The following FSTL5 variants were observed in gnomAD, a reference collection of about 807,000 sequenced individuals.
The protein encoded by FSTL5 is follistatin like 5.
Under a neutral mutation model 89.1 loss-of-function variants are expected in FSTL5, and 62 were observed. The ratio of observed to expected loss-of-function variants is 0.70; its 90% confidence interval spans 0.57 to 0.86. FSTL5 has a LOEUF of 0.86. FSTL5 is among the 40% of genes least tolerant of loss of function. The pLI is 0.00. For synonymous variants in FSTL5, 383 were observed against 346.2 expected, an observed-to-expected ratio of 1.11 and a Z score of -1.18; for missense variants, 1,057 against 1,001.6, an observed-to-expected ratio of 1.06 and a Z score of -0.75.
At chr4:161,588,497 A>T (rs1733696576) in intron 7 of FSTL5, among the ~76,000 whole-genome samples, 1 of 152,160 alleles carries the variant, frequency 6.6e-6, no homozygotes, top group Admixed American at 6.5e-5. Context: ...GAAAAAAAAG[A>T]AAGGAAGAAA....
intron 6 of FSTL5, among the ~76,000 whole-genome samples, chr4:161,677,452 G>A (rs903429322): frequency 5.3e-5 from 8 of 151,946 alleles, no homozygotes; most frequent in African/African-American, 1.9e-4. Context: ...CTTTTTAATG[G>A]CCATAATTTA....
intron 2 of FSTL5, among the ~76,000 whole-genome samples, chr4:162,077,231 A>G (rs1267181354): frequency 6.6e-6 from 1 of 151,710 alleles, no homozygotes; most frequent in Non-Finnish European, 1.5e-5. Flanking sequence ...AGAGATAAAG[A>G]AAGAGGGAGC....
chr4:161,493,377 T>C (rs1729949489), intron 12 of FSTL5, among the ~76,000 whole-genome samples: 1 of 151,704 alleles, frequency 6.6e-6, no homozygotes, highest in African/African-American at 2.4e-5. Context: ...AATGTAGCAA[T>C]TGATTGTATG....
intron 4 of FSTL5, among the ~76,000 whole-genome samples, chr4:161,907,415 C>T (rs921239726): frequency 2.6e-5 from 4 of 151,994 alleles, no homozygotes. Flanking sequence ...TATGGGTTTT[C>T]ATGGGGCATA....
intron 11 of FSTL5, among the ~76,000 whole-genome samples, chr4:161,506,924 T>C (rs1343484169): frequency 2.0e-5 from 3 of 152,160 alleles, no homozygotes; most frequent in African/African-American, 4.8e-5. Context: ...TGTGAATAGA[T>C]ACATAAATTT....
At chr4:161,739,491 A>C (rs141913383) in intron 6 of FSTL5, among the ~76,000 whole-genome samples, 1 of 152,334 alleles carries the variant, frequency 6.6e-6, no homozygotes, top group African/African-American at 2.4e-5. Flanking sequence ...CAATTTGCTT[A>C]TATCTCTTTA....
intron 6 of FSTL5, among the ~76,000 whole-genome samples, chr4:161,713,709 A>C (rs1435592434): frequency 6.6e-6 from 1 of 152,114 alleles, no homozygotes; most frequent in African/African-American, 2.4e-5. Context: ...TATTAGTTAC[A>C]TTATTCTCTA....
In FSTL5 at chr4:162,072,940, C is replaced by T. The variant is rs79137789; in HGVS notation, c.126+38331G>A. Among the ~76,000 whole-genome samples the T allele has an allele frequency of 2.1e-4, 32 of 151,844 alleles. 1 individual carries two copies. The East Asian group carries it at 6.0e-3, about 29-fold the overall frequency. On this transcript the variant is annotated intron_variant, in intron 2 of 15. Coordinates refer to ENST00000306100, the MANE Select transcript of FSTL5 (RefSeq NM_020116.5). ...GAGAGAATTTCTCCTGCCTAACTGC[C>T]TTTCAACTAGGAAATTGACTATTGC... is the stretch of plus-strand genomic sequence containing the variant.
chr4:161,601,550 C>A (rs988531806), intron 7 of FSTL5, among the ~76,000 whole-genome samples: 1 of 151,964 alleles, frequency 6.6e-6, no homozygotes, highest in Non-Finnish European at 1.5e-5. Flanking sequence ...ATGTATAATA[C>A]CCCCTTGTCT....
intron 13 of FSTL5, among the ~76,000 whole-genome samples, chr4:161,480,183 C>T (rs775016711): frequency 2.0e-5 from 3 of 152,172 alleles, no homozygotes; most frequent in Non-Finnish European, 2.9e-5. Flanking sequence ...ATAGCACTTC[C>T]ACATGCCAGG....
chr4:161,624,033 A>G (rs977589519), intron 7 of FSTL5, among the ~76,000 whole-genome samples: 8 of 152,076 alleles, frequency 5.3e-5, no homozygotes, highest in African/African-American at 1.9e-4. Context: ...TACTATTTAT[A>G]TACTGTTTTT....
At chr4:161,684,192 G>T (rs1418524595) in intron 6 of FSTL5, among the ~76,000 whole-genome samples, 1 of 152,126 alleles carries the variant, frequency 6.6e-6, no homozygotes, top group Non-Finnish European at 1.5e-5. Flanking sequence ...GGGCATTTAG[G>T]TTGGTTCCAT....
chr4:161,436,738 A>T (rs2126354992), intron 15 of FSTL5, among the ~76,000 whole-genome samples: 1 of 152,356 alleles, frequency 6.6e-6, no homozygotes, highest in Non-Finnish European at 1.5e-5. Flanking sequence ...GCAGATGGTC[A>T]GATTGAGCCT....
In FSTL5 at chr4:161,920,451, T is replaced by C. The variant is rs1196902601; in HGVS notation, c.362A>G (p.Lys121Arg). 3.1e-6 allele frequency: 5 copies of C among 1,613,948 alleles called. No homozygotes were observed. Among genetic ancestry groups the C allele is most frequent in the Non-Finnish European group, 3.4e-6 (4 of 1,179,976 alleles). The change falls in exon 4 of 16, where the codon AAA becomes AGA. Residue 121 changes from lysine to arginine, a missense_variant. Coordinates refer to ENST00000306100, the MANE Select transcript of FSTL5 (RefSeq NM_020116.5). ...GTGAACAATGGTAATCTTTTGTTTTTTCAGGCAAGCAGCTCTGTGCACTTC... is the reference window on the plus strand; with the variant it reads ...GTGAACAATGGTAATCTTTTGTTTTCTCAGGCAAGCAGCTCTGTGCACTTC... ...HCEVHRAACL[K>R]KQKITIVHNE...
intron 5 of FSTL5, among the ~76,000 whole-genome samples, chr4:161,772,580 A>G (rs374378286): frequency 6.8e-4 from 104 of 152,230 alleles, no homozygotes; most frequent in African/African-American, 2.3e-3. Flanking sequence ...CAAATCAAGA[A>G]CTCAATGCCT....
chr4:161,743,008 G>C (rs1372241269), intron 6 of FSTL5, among the ~76,000 whole-genome samples: 2 of 151,838 alleles, frequency 1.3e-5, no homozygotes, highest in Non-Finnish European at 2.9e-5. Context: ...ACCATTCCTT[G>C]GGTGGTCTTT....
chr4:161,702,273 TGAG>T (rs1738417093), intron 6 of FSTL5, among the ~76,000 whole-genome samples: 1 of 152,212 alleles, frequency 6.6e-6, no homozygotes, highest in South Asian at 2.1e-4. Flanking sequence ...ATGAAGATGA[TGAG>T]AAGGGTCAAC....
intron 3 of FSTL5, among the ~76,000 whole-genome samples, chr4:162,021,471 A>G (rs566433847): frequency 7.2e-5 from 11 of 152,202 alleles, no homozygotes; most frequent in African/African-American, 1.2e-4. Flanking sequence ...CTGAAGAAAT[A>G]AACAATAGGT....
At chr4:161,685,068 G>T (rs775564621) in intron 6 of FSTL5, among the ~76,000 whole-genome samples, 2 of 151,894 alleles carry the variant, frequency 1.3e-5, no homozygotes, top group Admixed American at 6.6e-5. Flanking sequence ...AAGTATTTGG[G>T]TTTATTACTG....
Sources: gnomAD v4.1 joint callset for allele counts (sites outside exome capture counted in the v4.1 genomes callset) on GRCh38, gnomAD v4.1.1 for gene constraint, MANE v1.5 for transcripts, NCBI Gene and HGNC (gene_info 2026-07-23, HGNC 2026-07-21) for gene names.